The following ERMP1 variants were observed in gnomAD, a reference collection of about 807,000 sequenced individuals.
The protein encoded by ERMP1 is Felix-ina.
A neutral mutation model predicts 92.0 loss-of-function variants in ERMP1; 86 were observed. The observed-to-expected ratio is 0.93, with a 90% confidence interval of 0.79 to 1.12. The LOEUF (loss-of-function observed/expected upper bound fraction) is 1.12, where lower values mean the gene tolerates loss of function less well. Among genes scored for constraint, ERMP1 ranks in the 50% most tolerant of loss-of-function variants. The pLI, the probability that ERMP1 is intolerant of heterozygous loss-of-function variation, is 0.00. For synonymous variants in ERMP1, 530 were observed against 412.8 expected, an observed-to-expected ratio of 1.28 and a Z score of -3.44; for missense variants, 1,342 against 1,116.3, an observed-to-expected ratio of 1.20 and a Z score of -2.88.
chr9:5,858,369 T>G (rs1170617446), intron 6 of ERMP1, among the ~76,000 whole-genome samples: 3 of 152,174 alleles, frequency 2.0e-5, no homozygotes, highest in African/African-American at 7.2e-5. Flanking sequence ...TAAGACCATG[T>G]TGAACAGACC....
intron 6 of ERMP1, among the ~76,000 whole-genome samples, chr9:5,851,019 A>G (rs1242198917): frequency 6.6e-6 from 1 of 152,152 alleles, no homozygotes; most frequent in African/African-American, 2.4e-5. Context: ...TCCTCCCTTG[A>G]CTTATTCCCA....
At chr9:5,825,650 G>T (rs1003823617) in intron 2 of ERMP1, among the ~76,000 whole-genome samples, 1 of 152,098 alleles carries the variant, frequency 6.6e-6, no homozygotes, top group Non-Finnish European at 1.5e-5. Flanking sequence ...CTCCTTTCTT[G>T]CTTGTTTTCC....
chr9:5,788,401 C>G (rs1357600234), intron 13 of ERMP1, among the ~76,000 whole-genome samples: 2 of 152,084 alleles, frequency 1.3e-5, no homozygotes, highest in African/African-American at 4.8e-5. Context: ...AAAACCAAAG[C>G]TTCTCAGGGA....
chr9:5,810,242 G>A lies in ERMP1; in HGVS notation c.1328-11C>T. ...TCTTGTAGTTACCAGCTAATGAAGA[G>A]AAAACAAAAAGTTGAAATCACCATC... On this transcript the variant is annotated splice_polypyrimidine_tract_variant and intron_variant, in intron 7 of 14. Coordinates refer to ENST00000339450, the MANE Select transcript of ERMP1 (RefSeq NM_024896.3). 1.2e-6 allele frequency: 2 copies of A among 1,603,482 alleles called. No homozygotes were observed. Among genetic ancestry groups the A allele is most frequent in the Non-Finnish European group, 1.7e-6 (2 of 1,172,316 alleles).
Position 5,825,967 on chromosome 9 carries a change from G to C in ERMP1, c.641-748C>G, listed in dbSNP as rs576252981. 5.3e-5 allele frequency among the ~76,000 whole-genome samples: 8 copies of C among 152,316 alleles called. No homozygotes were observed. The East Asian group carries it at 5.8e-4, about 11-fold the overall frequency. On this transcript the variant is annotated intron_variant, in intron 2 of 14. Transcript: ENST00000339450. ...AATTAAAGGAATTGATTGGATATTT[G>C]ATGATACCAAGGAATTACTGTTAGG...
At chr9:5,840,885 G>C (rs1830155237) in intron 6 of ERMP1, among the ~76,000 whole-genome samples, 1 of 152,214 alleles carries the variant, frequency 6.6e-6, no homozygotes, top group South Asian at 2.1e-4. Flanking sequence ...TAGTTGGCTA[G>C]GTGGATGAAA....
chr9:5,824,989 A>T (rs1424436253), intron 3 of ERMP1, 103 bp downstream of exon 3: 16 of 1,123,394 alleles, frequency 1.4e-5, no homozygotes, highest in Non-Finnish European at 2.1e-5. Context: ...TACTACCCAC[A>T]GGAGTCATAA....
At chr9:5,853,302 TG>T (rs1265486491) in intron 6 of ERMP1, among the ~76,000 whole-genome samples, 3 of 152,202 alleles carry the variant, frequency 2.0e-5, no homozygotes, top group Non-Finnish European at 4.4e-5. Flanking sequence ...TTCTTACAAC[TG>T]CTATTTCTCC....
chr9:5,866,799 G>A (rs916537367), intron 5 of ERMP1, among the ~76,000 whole-genome samples: 1 of 152,208 alleles, frequency 6.6e-6, no homozygotes, highest in African/African-American at 2.4e-5. Flanking sequence ...AGCAAGGTAT[G>A]TATATTAGTG....
Position 5,787,027 on chromosome 9 carries a change from T to C in ERMP1, c.*117A>G. On this transcript the variant is annotated 3_prime_UTR_variant, in exon 15 of 15. Coordinates refer to ENST00000339450, the MANE Select transcript of ERMP1 (RefSeq NM_024896.3). Reference sequence around the variant, plus strand: ...GAAAAGCGTTAACCCAGAAAGCTCTTTGAACATATGATCATTAAAATTCAT... The same window carrying C: ...GAAAAGCGTTAACCCAGAAAGCTCTCTGAACATATGATCATTAAAATTCAT... 2.7e-6 allele frequency: 3 copies of C among 1,091,754 alleles called. No individual in the cohort carries two copies. Among genetic ancestry groups the C allele is most frequent in the Non-Finnish European group, 2.6e-6 (2 of 771,814 alleles). 67.6% of individuals were successfully genotyped at this position (1,091,754 alleles called of 1,614,324 possible).
At chr9:5,836,594 T>A (rs2129723614), upstream of ERMP1, among the ~76,000 whole-genome samples, 1 of 152,314 alleles carries the variant, frequency 6.6e-6, no homozygotes, top group Admixed American at 6.5e-5. Flanking sequence ...ACCAGCTTTG[T>A]TTAAAGGTTC....
chr9:5,815,379 G>GGCA (rs1439580722), intron 4 of ERMP1, among the ~76,000 whole-genome samples: 2 of 151,838 alleles, frequency 1.3e-5, no homozygotes, highest in East Asian at 3.9e-4. Context: ...AAGGGGCTCA[G>GGCA]GCACTGATTT....
intron 13 of ERMP1, among the ~76,000 whole-genome samples, chr9:5,793,207 T>C (rs1428985275): frequency 6.6e-6 from 1 of 152,036 alleles, no homozygotes; most frequent in Non-Finnish European, 1.5e-5. Context: ...ATAGTATTAT[T>C]TAAAAGTGGG....
intron 4 of ERMP1, among the ~76,000 whole-genome samples, chr9:5,813,836 G>A (rs1209661293): frequency 6.7e-6 from 1 of 149,050 alleles, no homozygotes; most frequent in African/African-American, 2.4e-5. Context: ...GTAGGATAGT[G>A]GGATACATTG....
rs148300043 is a variant in ERMP1 at position 5,830,846 on chromosome 9, C to T, written c.521G>A (p.Gly174Glu). The T allele has an allele frequency of 2.7e-5, 44 of 1,613,996 alleles. No homozygotes were observed. Among genetic ancestry groups the T allele is most frequent in the Non-Finnish European group, 3.6e-5 (43 of 1,179,994 alleles). The change falls in exon 2 of 15, where the codon GGA (glycine) becomes GAA (glutamate). Residue 174 changes from glycine (G) to glutamate (E), a missense_variant. Coordinates refer to ENST00000339450, the MANE Select transcript of ERMP1 (RefSeq NM_024896.3). Reference protein sequence around the residue: ...PTGSFSIDFLGGFTSYYDNIT... With the variant: ...PTGSFSIDFLEGFTSYYDNIT... ...GTTGTCATAATAGCTTGTAAAACCT[C>T]CCAAGAAATCAATGCTAAAAGAGCC...
chr9:5,813,578 A>T (rs576282682), intron 4 of ERMP1, among the ~76,000 whole-genome samples: 5 of 152,230 alleles, frequency 3.3e-5, no homozygotes, highest in African/African-American at 1.2e-4. Flanking sequence ...CAAAATCAGA[A>T]ATGCTCCAAT....
intron 4 of ERMP1, among the ~76,000 whole-genome samples, chr9:5,821,847 T>C (rs189648778): frequency 2.8e-4 from 43 of 152,358 alleles, no homozygotes; most frequent in African/African-American, 1.0e-3. Context: ...CTGACATTTT[T>C]CACAATAGGA....
rs191504884 is a variant in ERMP1 at position 5,851,755 on chromosome 9, C to G, written n.3199+7713G>C. Among the ~76,000 whole-genome samples, 730 of 152,258 alleles carry G rather than the reference C, an allele frequency of 4.8e-3. 4 individuals carry two copies. Among genetic ancestry groups the G allele is most frequent in the Admixed American group, 0.013 (206 of 15,286 alleles). On this transcript the variant is annotated intron_variant and non_coding_transcript_variant, in intron 6 of 6. Transcript: ENST00000690753. Reference sequence around the variant, plus strand: ...GTACTGTGACTGTGAGTCACCTTTCCCCTTCACACACATACACCCCACAAA... The same window carrying G: ...GTACTGTGACTGTGAGTCACCTTTCGCCTTCACACACATACACCCCACAAA...
intron 10 of ERMP1, among the ~76,000 whole-genome samples, chr9:5,804,318 G>A (rs1468737882): frequency 1.3e-5 from 2 of 151,976 alleles, no homozygotes; most frequent in Non-Finnish European, 2.9e-5. Flanking sequence ...ACCTTGCTTG[G>A]GGCTTACTCT....
Sources: gnomAD v4.1 joint callset for allele counts (sites outside exome capture counted in the v4.1 genomes callset) on GRCh38, gnomAD v4.1.1 for gene constraint, MANE v1.5 for transcripts, NCBI Gene and HGNC (gene_info 2026-07-23, HGNC 2026-07-21) for gene names.